Variants in CPZ observed in about 807,000 individuals in gnomAD.
CPZ encodes the protein VEZT/CPZ fusion.
In CPZ, 103 loss-of-function variants were observed where a neutral mutation model predicts 61.8. The observed-to-expected ratio is 1.67, with a 90% CI of 1.42 to 1.96. CPZ has a LOEUF of 1.96. Among genes scored for constraint, CPZ ranks in the 30% most tolerant of loss-of-function variants. The probability of loss-of-function intolerance (pLI) is 0.00; values close to 1 mark genes in which losing one functional copy is unlikely to be tolerated. For missense variants in CPZ, 1,461 were observed against 914.9 expected (o/e 1.60, Z -7.70); for synonymous variants, 551 against 373.7 (o/e 1.47, Z -5.47).
rs1713883990 is a variant in CPZ, at chr4:8,592,829, CCACCATG to C, written c.-3_4del. The C allele has an allele frequency of 4.2e-5, 62 of 1,465,536 alleles. No homozygotes were observed. Among genetic ancestry groups the C allele is most frequent in the South Asian group, 3.6e-4 (27 of 74,774 alleles). The allele number at this position is 1,465,536 out of a possible 1,614,324, so 90.8% of individuals were successfully genotyped here. Reference sequence around the variant, plus strand: ...CGCTGGCCGTCCAAGGTCCGCCGCCCCACCATGCCGCCCCCGCTGCCGCTGCTGCTCC... The same window carrying C: ...CGCTGGCCGTCCAAGGTCCGCCGCCCCCGCCCCCGCTGCCGCTGCTGCTCC... On this transcript the variant is annotated start_lost and 5_prime_UTR_variant, in exon 1 of 11. Transcript: ENST00000360986.
intron 2 of CPZ, chr4:8,599,957 A>T (rs1474724813): frequency 5.7e-6 from 1 of 176,924 alleles, no homozygotes; most frequent in Non-Finnish European, 1.2e-5. Context: ...ACCAATGTGA[A>T]GTGCTCAGGT....
Position 8,604,198 on chromosome 4 carries a change from C to G in CPZ, c.709+10C>G. On this transcript the variant is annotated intron_variant, in intron 4 of 10. Coordinates refer to ENST00000360986, the MANE Select transcript of CPZ (RefSeq NM_001014447.3). ...GGCCAGCACGAGCTGAGTGAGTGCC[C>G]TTGGGAGAGCCTGGCCTGGCCCCGT... 1 of 1,529,244 alleles carries G rather than the reference C, an allele frequency of 6.5e-7. No individual in the cohort carries two copies. The highest frequency in any genetic ancestry group is 8.8e-7 in the Non-Finnish European group (1 of 1,132,372). The allele number at this position is 1,529,244 out of a possible 1,614,324, so 94.7% of individuals were successfully genotyped here. A position where few individuals can be genotyped will look rare whatever the true frequency, so the allele number is the denominator to read the frequency against.
At chr4:8,609,111 C>CTCAT (rs1715339980) in intron 7 of CPZ, among the ~76,000 whole-genome samples, 1 of 12,716 alleles carries the variant, frequency 7.9e-5, no homozygotes, top group Non-Finnish European at 1.4e-4. Context: ...CACTCCCTTC[C>CTCAT]TCACTCCCTC....
At chr4:8,612,205 G>GGGGGGGGGGGGGGGGC in intron 8 of CPZ, 43 bp downstream of exon 8, 1 of 202,840 alleles carries the variant, frequency 4.9e-6, no homozygotes, top group Non-Finnish European at 9.6e-6. Context: ...GGTGGGGGGT[G>GGGGGGGGGGGGGGGGC]CAGGGGCTGG....
chr4:8,619,437 T>G lies in CPZ; in HGVS notation c.1779T>G (p.His593Gln), dbSNP rs780813542. Reference sequence around the variant, plus strand: ...GGATGGGACCCAAGAACTTTATTCATGGGCTGCGGAGGACTGGGCCCCACG... The same window carrying G: ...GGATGGGACCCAAGAACTTTATTCAGGGGCTGCGGAGGACTGGGCCCCACG... ...PLGMGPKNFI[H>Q]GLRRTGPHDP... The change falls in exon 11 of 11, where the codon CAT becomes CAG. Residue 593 changes from histidine (H) to glutamine (Q), a missense_variant. His to Gln is a conservative substitution (Grantham distance 24). Transcript: ENST00000360986. 2.5e-6 allele frequency: 4 copies of G among 1,613,744 alleles called. No individual in the cohort carries two copies. Among genetic ancestry groups the G allele is most frequent in the Non-Finnish European group, 3.4e-6 (4 of 1,179,908 alleles).
At position 8,618,490 on chromosome 4, in the gene CPZ, G is replaced by A. The variant is rs775980838; in HGVS notation, c.1565G>A (p.Arg522Gln). 35 of 1,614,006 alleles carry A rather than the reference G, an allele frequency of 2.2e-5. No homozygotes were observed. Among genetic ancestry groups the A allele is most frequent in the East Asian group, 6.7e-5 (3 of 44,886 alleles). The change falls in exon 10 of 11, where the codon CGG becomes CAG. Residue 522 changes from arginine (R) to glutamine (Q), a missense_variant. Arg to Gln is a conservative substitution (Grantham distance 43, BLOSUM62 1). Transcript: ENST00000360986. Reference protein sequence around the residue: ...DKFGKPVKNARISVKGIRHDI... With the variant: ...DKFGKPVKNAQISVKGIRHDI... The stretch of plus-strand genomic sequence containing the variant: ...TTCGGCAAGCCAGTCAAAAACGCCC[G>A]GATCTCAGTCAAAGGCATTCGCCAC...
chr4:8,606,584 G>A (rs1217137080), intron 5 of CPZ, among the ~76,000 whole-genome samples, 153 bp from the exon 6 acceptor site: 1 of 152,058 alleles, frequency 6.6e-6, no homozygotes, highest in East Asian at 1.9e-4. Context: ...TGGAGAGGAG[G>A]CCAAGGGTCA....
At chr4:8,612,646 A>G (rs1027914374) in intron 8 of CPZ, among the ~76,000 whole-genome samples, 1 of 152,196 alleles carries the variant, frequency 6.6e-6, no homozygotes, top group South Asian at 2.1e-4. Flanking sequence ...AAGCGTGTAC[A>G]TCTTTATCTG....
chr4:8,607,799 A>G (rs1577117817), intron 7 of CPZ, among the ~76,000 whole-genome samples: 1 of 151,802 alleles, frequency 6.6e-6, no homozygotes, highest in Non-Finnish European at 1.5e-5. Context: ...AGGCGCCGGC[A>G]GAGGGCAGTG....
At chr4:8,613,150 T>G (rs1421637663) in intron 8 of CPZ, among the ~76,000 whole-genome samples, 2 of 150,240 alleles carry the variant, frequency 1.3e-5, no homozygotes, top group African/African-American at 4.9e-5. Flanking sequence ...TTTTTTTTTT[T>G]GAGACGGAGT....
chr4:8,611,230 G>C (rs1262324652), intron 7 of CPZ: 1 of 456,274 alleles, frequency 2.2e-6, no homozygotes, highest in East Asian at 7.0e-5. Flanking sequence ...TGCAGGGTGA[G>C]CCCTTCGCCT....
chr4:8,618,741 G>C (rs1336384975), intron 10 of CPZ, among the ~76,000 whole-genome samples: 1 of 152,310 alleles, frequency 6.6e-6, no homozygotes, highest in East Asian at 1.9e-4. Context: ...CCCAGCCGTA[G>C]CTACTGAATG....
intron 4 of CPZ, among the ~76,000 whole-genome samples, chr4:8,605,682 A>G (rs1714934831): frequency 7.1e-6 from 1 of 140,244 alleles, no homozygotes; most frequent in South Asian, 2.3e-4. Context: ...CTAAGTACCA[A>G]TGTGCACTTT....
chr4:8,603,641 A>G, intron 3 of CPZ: 1 of 345,540 alleles, frequency 2.9e-6, no homozygotes, highest in Non-Finnish European at 5.2e-6. Flanking sequence ...CACACCCAGC[A>G]GGGGTTTGCC....
intron 3 of CPZ, chr4:8,602,716 A>T (rs1451195796): frequency 6.6e-6 from 1 of 152,360 alleles, no homozygotes; most frequent in African/African-American, 2.4e-5. Flanking sequence ...CCCACTGTAC[A>T]TGTGGCTTTG....
At chr4:8,596,922 C>T (rs890145497) in intron 1 of CPZ, among the ~76,000 whole-genome samples, 12 of 152,188 alleles carry the variant, frequency 7.9e-5, no homozygotes, top group Non-Finnish European at 1.6e-4. Flanking sequence ...TTCTTCCAGT[C>T]GCTCATGTCT....
intron 9 of CPZ, 123 bp from the exon 10 acceptor site, chr4:8,618,306 G>T: frequency 1.2e-6 from 1 of 810,202 alleles, no homozygotes. Context: ...GCAGAGTGGG[G>T]CTCTGTGGGG....
chr4:8,611,304 C>T (rs1157468144), intron 7 of CPZ: 1 of 456,036 alleles, frequency 2.2e-6, no homozygotes, highest in Non-Finnish European at 4.4e-6. Context: ...CCAGAGCCCC[C>T]ACAAAGGAGG....
chr4:8,606,260 T>C lies in CPZ; in HGVS notation c.906+75T>C, dbSNP rs1196843810. 6 of 1,418,042 alleles carry C rather than the reference T, an allele frequency of 4.2e-6. No individual in the cohort carries two copies. In the East Asian group the frequency reaches 1.5e-4, roughly 35 times the overall value. The allele number at this position is 1,418,042 out of a possible 1,614,324, so 87.8% of individuals were successfully genotyped here. ...CTCATTCATCCATTTATGAGTAGTT[T>C]ATCCCAGCAGTGCTTCGTTCCTGCC... On this transcript the variant is annotated intron_variant, in intron 5 of 10. Coordinates refer to ENST00000360986, the MANE Select transcript of CPZ (RefSeq NM_001014447.3).
Sources: allele counts gnomAD v4.1 joint callset (sites outside exome capture counted in the v4.1 genomes callset), GRCh38; gene constraint gnomAD v4.1.1; transcripts MANE v1.5; gene names NCBI Gene and HGNC (gene_info 2026-07-23, HGNC 2026-07-21).